CDH12: variants seen among roughly 807,000 people sequenced by gnomAD.
The protein encoded by CDH12 is cadherin-12.
Under a neutral mutation model 74.1 loss-of-function variants are expected in CDH12, and 41 were observed. The ratio of observed to expected loss-of-function variants is 0.55; its 90% CI spans 0.43 to 0.72. CDH12 has a LOEUF of 0.72. Ranked by LOEUF, CDH12 falls within the 30% of genes least tolerant of loss-of-function variation. The pLI, the probability that CDH12 is intolerant of heterozygous loss-of-function variation, is 0.00. For synonymous variants in CDH12, 399 were observed against 355.0 expected, an observed-to-expected ratio of 1.12 and a Z score of -1.39; for missense variants, 945 against 977.2, an observed-to-expected ratio of 0.97 and a Z score of 0.44.
chr5:22,057,372 C>G (rs1050250221), intron 5 of CDH12, among the ~76,000 whole-genome samples: 3 of 151,932 alleles, frequency 2.0e-5, no homozygotes, highest in Non-Finnish European at 1.5e-5. Flanking sequence ...TTCCCTGATC[C>G]TGAAATAAAG....
At chr5:21,814,792 A>G (rs1747951052) in intron 9 of CDH12, among the ~76,000 whole-genome samples, 1 of 151,226 alleles carries the variant, frequency 6.6e-6, no homozygotes, top group Non-Finnish European at 1.5e-5. Context: ...TATATTATTA[A>G]TGATTTTTAT....
At chr5:22,233,474 G>T (rs1752460690) in intron 3 of CDH12, among the ~76,000 whole-genome samples, 1 of 152,030 alleles carries the variant, frequency 6.6e-6, no homozygotes, top group Non-Finnish European at 1.5e-5. Context: ...TTGCTCCTTT[G>T]TCCAGTAAAC....
At chr5:21,781,368 A>G (rs1246378669) in intron 11 of CDH12, among the ~76,000 whole-genome samples, 2 of 152,110 alleles carry the variant, frequency 1.3e-5, no homozygotes, top group Admixed American at 1.3e-4. Context: ...AATTCACAAA[A>G]TTACATAAGA....
At chr5:21,940,890 T>C (rs956063616) in intron 6 of CDH12, among the ~76,000 whole-genome samples, 11 of 151,974 alleles carry the variant, frequency 7.2e-5, no homozygotes, top group Non-Finnish European at 1.6e-4. Context: ...TTACAATTAC[T>C]TTGGAAAAAA....
chr5:22,496,029 A>G (rs1292005176), intron 2 of CDH12, among the ~76,000 whole-genome samples: 1 of 152,130 alleles, frequency 6.6e-6, no homozygotes, highest in Non-Finnish European at 1.5e-5. Context: ...CTTATAAACA[A>G]CCCTATTAGA....
chr5:22,323,030 A>G lies in CDH12; in HGVS notation c.-333+82227T>C, dbSNP rs117545864. ...AAATTGTGAAATGACTTGTCAGGTA[A>G]TAAGAGTAATCAGTTTTAGGCAAGA... On this transcript the variant is annotated intron_variant, in intron 3 of 14. Coordinates refer to ENST00000382254, the MANE Select transcript of CDH12 (RefSeq NM_004061.5). 1.6e-4 allele frequency among the ~76,000 whole-genome samples: 24 copies of G among 152,306 alleles called. No homozygotes were observed. In the East Asian group the frequency reaches 4.2e-3, roughly 27 times the overall value.
intron 6 of CDH12, among the ~76,000 whole-genome samples, chr5:21,879,192 A>C (rs981758604): frequency 3.9e-5 from 6 of 152,172 alleles, no homozygotes; most frequent in Non-Finnish European, 7.4e-5. Context: ...TCACACTATA[A>C]AAAAAACTTT....
chr5:22,208,308 A>T (rs1368343808), intron 4 of CDH12, among the ~76,000 whole-genome samples: 1 of 152,166 alleles, frequency 6.6e-6, no homozygotes, highest in Admixed American at 6.6e-5. Flanking sequence ...GGGAAGTCTC[A>T]CCACTGCATG....
At chr5:21,836,461 A>AC (rs1749541577) in intron 8 of CDH12, among the ~76,000 whole-genome samples, 1 of 128,144 alleles carries the variant, frequency 7.8e-6, no homozygotes, top group Admixed American at 8.0e-5. Flanking sequence ...ATAGAAAGGA[A>AC]AACACACACA....
At chr5:21,887,187 T>C (rs1317900187) in intron 6 of CDH12, among the ~76,000 whole-genome samples, 1 of 152,210 alleles carries the variant, frequency 6.6e-6, no homozygotes, top group Non-Finnish European at 1.5e-5. Context: ...CTCTCCACTT[T>C]AGAATATCTC....
intron 12 of CDH12, among the ~76,000 whole-genome samples, chr5:21,761,273 C>CT (rs1370795255): frequency 6.6e-6 from 1 of 152,064 alleles, no homozygotes; most frequent in Non-Finnish European, 1.5e-5. Context: ...TGCTTCCATA[C>CT]GTTGTGTATC....
chr5:22,532,350 G>GATATATATATATATAT (rs71609770), intron 1 of CDH12, among the ~76,000 whole-genome samples: 716 of 27,244 alleles, frequency 0.026, 115 homozygotes, highest in East Asian at 0.069. Flanking sequence ...ATATAAATAG[G>GATATATATATATATAT]ATATATATAT....
intron 4 of CDH12, among the ~76,000 whole-genome samples, chr5:22,121,982 A>G (rs1745541453): frequency 1.3e-5 from 2 of 152,146 alleles, no homozygotes; most frequent in Admixed American, 1.3e-4. Context: ...TTTGACCACC[A>G]CAGATCCTTC....
chr5:22,064,730 A>G (rs575430091), intron 5 of CDH12, among the ~76,000 whole-genome samples: 1 of 152,286 alleles, frequency 6.6e-6, no homozygotes, highest in Admixed American at 6.5e-5. Context: ...TACTGAAAAA[A>G]GTGAAGAAAC....
chr5:22,768,953 C>T (rs547681775), intron 1 of CDH12, among the ~76,000 whole-genome samples: 128 of 152,190 alleles, frequency 8.4e-4, no homozygotes, highest in Admixed American at 1.4e-3. Flanking sequence ...TTGAATAACT[C>T]GCTAAAGAAT....
intron 4 of CDH12, among the ~76,000 whole-genome samples, chr5:22,091,838 G>T (rs1021037351): frequency 6.6e-6 from 1 of 151,838 alleles, no homozygotes; most frequent in Admixed American, 6.6e-5. Flanking sequence ...TGACAATGTG[G>T]TACTGGCATA....
intron 1 of CDH12, among the ~76,000 whole-genome samples, chr5:22,752,683 T>C (rs1453596229): frequency 1.3e-5 from 1 of 77,838 alleles, no homozygotes; most frequent in African/African-American, 5.4e-5. Flanking sequence ...GCCATTCTCC[T>C]GCCTCAGCCT....
At chr5:22,380,657 T>A (rs2126380804) in intron 3 of CDH12, among the ~76,000 whole-genome samples, 1 of 152,312 alleles carries the variant, frequency 6.6e-6, no homozygotes, top group East Asian at 1.9e-4. Flanking sequence ...AATCTGTGTC[T>A]ATTTTTACAA....
chr5:22,600,271 T>C (rs1736794492), intron 1 of CDH12, among the ~76,000 whole-genome samples: 1 of 152,164 alleles, frequency 6.6e-6, no homozygotes. Context: ...CTCTTAGTTT[T>C]GATGTTGCTG....
Sources: allele counts gnomAD v4.1 joint callset (sites outside exome capture counted in the v4.1 genomes callset), GRCh38; gene constraint gnomAD v4.1.1; transcripts MANE v1.5; gene names NCBI Gene and HGNC (gene_info 2026-07-23, HGNC 2026-07-21).